Variants in ACTN4 observed in about 807,000 individuals in gnomAD.
The protein encoded by ACTN4 is actinin alpha 4.
Under a neutral mutation model 114.2 loss-of-function variants are expected in ACTN4, and 18 were observed. The ratio of observed to expected loss-of-function variants is 0.16; its 90% confidence interval spans 0.11 to 0.23. The LOEUF (loss-of-function observed/expected upper bound fraction) is 0.23, where lower values mean the gene tolerates loss of function less well. Ranked by LOEUF, ACTN4 falls within the 10% of genes least tolerant of loss-of-function variation. The probability of loss-of-function intolerance (pLI) is 1.00; values close to 1 mark genes in which losing one functional copy is unlikely to be tolerated. For synonymous variants in ACTN4, 515 were observed against 506.3 expected, an observed-to-expected ratio of 1.02 and a Z score of -0.23; for missense variants, 722 against 1,262.9, an observed-to-expected ratio of 0.57 and a Z score of 6.49.
intron 11 of ACTN4, among the ~76,000 whole-genome samples, chr19:38,721,252 T>A (rs892365099): frequency 3.3e-5 from 5 of 152,216 alleles, no homozygotes; most frequent in Non-Finnish European, 7.3e-5. Context: ...TATGGTTTCC[T>A]ACTAACAAAA....
chr19:38,730,586 G>A lies in ACTN4; in HGVS notation c.*1154G>A. ...CCTGTGTCTGTCCTCCACCTTCTAG[G>A]AGAGCCAGGGCAGAGCTAGCACTGT... is the stretch of plus-strand genomic sequence containing the variant. On this transcript the variant is annotated 3_prime_UTR_variant, in exon 21 of 21. Coordinates refer to ENST00000252699, the MANE Select transcript of ACTN4 (RefSeq NM_004924.6). 1 of 559,766 alleles carries A rather than the reference G, an allele frequency of 1.8e-6. No individual in the cohort carries two copies. Among genetic ancestry groups the A allele is most frequent in the Admixed American group, 3.2e-5 (1 of 31,734 alleles). 34.7% of individuals were successfully genotyped at this position (559,766 alleles called of 1,614,324 possible).
At chr19:38,656,085 A>G (rs141366545) in intron 1 of ACTN4, among the ~76,000 whole-genome samples, 296 of 152,266 alleles carry the variant, frequency 1.9e-3, no homozygotes, top group Admixed American at 3.9e-3. Context: ...TGTTCCTCAC[A>G]CAACTTTTTT....
intron 1 of ACTN4, among the ~76,000 whole-genome samples, chr19:38,687,282 C>G (rs1284288378): frequency 6.6e-6 from 1 of 152,138 alleles, no homozygotes; most frequent in Non-Finnish European, 1.5e-5. Flanking sequence ...CCCTCTGGTT[C>G]TACTGAGACC....
Position 38,731,479 on chromosome 19 carries a change from G to C in ACTN4, c.*2047G>C. The C allele has an allele frequency of 1.8e-6, 1 of 543,542 alleles. No individual in the cohort carries two copies. The highest frequency in any genetic ancestry group is 3.3e-6 in the Non-Finnish European group (1 of 299,668). The allele number at this position is 543,542 out of a possible 1,614,324, so 33.7% of individuals were successfully genotyped here. On this transcript the variant is annotated 3_prime_UTR_variant, in exon 21 of 21. Transcript: ENST00000252699. ...ACGCTCAGGACAGCGTCTGACACGT[G>C]ACTCGATGTGTGGGTACTGTTACTC...
chr19:38,677,928 T>C (rs1188479723), intron 1 of ACTN4, among the ~76,000 whole-genome samples: 1 of 152,128 alleles, frequency 6.6e-6, no homozygotes, highest in Non-Finnish European at 1.5e-5. Context: ...TGTTTCACCA[T>C]GTTGGCCAGG....
chr19:38,661,522 C>T (rs1234506504), intron 1 of ACTN4, among the ~76,000 whole-genome samples: 1 of 152,166 alleles, frequency 6.6e-6, no homozygotes, highest in Non-Finnish European at 1.5e-5. Flanking sequence ...CCATTTCTAC[C>T]TGGTGGGATG....
chr19:38,654,561 CAAA>C (rs35967763), intron 1 of ACTN4, among the ~76,000 whole-genome samples: 6 of 96,320 alleles, frequency 6.2e-5, no homozygotes, highest in African/African-American at 8.1e-5. Context: ...GGCTCCGTCT[CAAA>C]AAAAAAAAAA....
chr19:38,649,917 G>A (rs1311298163), intron 1 of ACTN4, among the ~76,000 whole-genome samples: 7 of 152,164 alleles, frequency 4.6e-5, no homozygotes, highest in African/African-American at 1.7e-4. Context: ...GGCTTGGTGG[G>A]AGGGGTGTCC....
intron 1 of ACTN4, among the ~76,000 whole-genome samples, chr19:38,675,521 G>A (rs1043809584): frequency 6.6e-6 from 1 of 152,192 alleles, no homozygotes; most frequent in Non-Finnish European, 1.5e-5. Flanking sequence ...GGCGTGAGCC[G>A]CTGCCCCTGG....
chr19:38,680,180 C>T (rs990691002), intron 1 of ACTN4, among the ~76,000 whole-genome samples: 21 of 150,840 alleles, frequency 1.4e-4, no homozygotes, highest in African/African-American at 4.9e-4. Context: ...GTATCCCCAG[C>T]ACCACACCTG....
intron 1 of ACTN4, among the ~76,000 whole-genome samples, chr19:38,696,239 G>A (rs966232167): frequency 6.6e-6 from 1 of 152,140 alleles, no homozygotes; most frequent in African/African-American, 2.4e-5. Context: ...GAGAGTGTCT[G>A]CTTTTGCTCA....
At chr19:38,700,543 A>T in intron 1 of ACTN4, 57 bp from the exon 2 acceptor site, 1 of 1,460,268 alleles carries the variant, frequency 6.8e-7, no homozygotes, top group East Asian at 2.3e-5. Context: ...AGGTGTGTGG[A>T]GAGAGCCCCG....
chr19:38,651,284 C>G (rs908320726), intron 1 of ACTN4, among the ~76,000 whole-genome samples: 6 of 152,184 alleles, frequency 3.9e-5, no homozygotes, highest in African/African-American at 1.4e-4. Context: ...CTTGGAAGCC[C>G]TTTGCTCTGA....
chr19:38,648,304 G>T, intron 1 of ACTN4: 1 of 172,310 alleles, frequency 5.8e-6, no homozygotes. Flanking sequence ...ATCAGGGGAG[G>T]CTGAGAAGGG....
At chr19:38,722,028 C>T in intron 12 of ACTN4, 2 of 432,212 alleles carry the variant, frequency 4.6e-6, no homozygotes, top group South Asian at 4.1e-5. Context: ...TGGGATGGGC[C>T]CCAGCCTCCG....
chr19:38,648,008 A>C, intron 1 of ACTN4, 101 bp downstream of exon 1: 1 of 1,295,552 alleles, frequency 7.7e-7, no homozygotes, highest in Middle Eastern at 2.9e-4. Context: ...TGTGATGGGA[A>C]CGGGGGGGTC....
At chr19:38,709,169 C>T (rs1194662725) in intron 6 of ACTN4, among the ~76,000 whole-genome samples, 3 of 152,120 alleles carry the variant, frequency 2.0e-5, no homozygotes, top group Non-Finnish European at 2.9e-5. Context: ...GGAGAAAAAG[C>T]CCTGGTTTGC....
At chr19:38,705,111 T>G in intron 4 of ACTN4, 91 bp downstream of exon 4, 1 of 1,252,900 alleles carries the variant, frequency 8.0e-7, no homozygotes, top group Non-Finnish European at 1.2e-6. Flanking sequence ...TCAAGCCTCT[T>G]CCTGTTTCCT....
chr19:38,695,987 C>A (rs1229550663), intron 1 of ACTN4, among the ~76,000 whole-genome samples: 1 of 152,118 alleles, frequency 6.6e-6, no homozygotes, highest in Non-Finnish European at 1.5e-5. Context: ...GCCACTTCAC[C>A]TCTCAGGCCC....
Sources: allele counts gnomAD v4.1 joint callset (sites outside exome capture counted in the v4.1 genomes callset), GRCh38; gene constraint gnomAD v4.1.1; transcripts MANE v1.5; gene names NCBI Gene and HGNC (gene_info 2026-07-23, HGNC 2026-07-21).